Variants in IGF2BP2 observed in about 807,000 individuals in gnomAD.
IGF2BP2 encodes the protein insulin like growth factor 2 mRNA binding protein 2, also known as insulin-like growth factor 2 mRNA-binding protein 2.
In IGF2BP2, 17 loss-of-function variants were observed where a neutral mutation model predicts 75.8. That is an observed-to-expected ratio of 0.22 (90% confidence interval 0.15 to 0.34). The LOEUF is 0.34. Among genes scored for constraint, IGF2BP2 ranks in the 10% least tolerant of loss-of-function variants. IGF2BP2 has a pLI of 1.00. For synonymous variants in IGF2BP2, 288 were observed against 295.6 expected (o/e 0.97, Z 0.26); for missense variants, 516 against 772.4 (o/e 0.67, Z 3.93).
intron 2 of IGF2BP2, among the ~76,000 whole-genome samples, chr3:185,744,182 C>A (rs771572241): frequency 2.0e-5 from 3 of 152,086 alleles, no homozygotes; most frequent in Non-Finnish European, 4.4e-5. Context: ...CCTATACAGT[C>A]TTATTTTATT....
intron 2 of IGF2BP2, among the ~76,000 whole-genome samples, chr3:185,731,713 G>A: frequency 6.6e-6 from 1 of 152,034 alleles, no homozygotes; most frequent in Non-Finnish European, 1.5e-5. Context: ...AGTGGCTCAT[G>A]CCTGTAATCC....
chr3:185,743,888 C>T (rs567695771), intron 2 of IGF2BP2, among the ~76,000 whole-genome samples: 23 of 152,292 alleles, frequency 1.5e-4, no homozygotes, highest in African/African-American at 4.6e-4. Flanking sequence ...AAAGGTAATC[C>T]GCACAAAATG....
chr3:185,749,050 G>C (rs776137708), intron 2 of IGF2BP2, among the ~76,000 whole-genome samples: 29 of 152,118 alleles, frequency 1.9e-4, no homozygotes, highest in Non-Finnish European at 3.8e-4. Flanking sequence ...TGTAATCCCA[G>C]CTACTTGGGA....
At chr3:185,669,260 G>A (rs942279194) in intron 10 of IGF2BP2, among the ~76,000 whole-genome samples, 1 of 152,006 alleles carries the variant, frequency 6.6e-6, no homozygotes, top group African/African-American at 2.4e-5. Context: ...AAATTATTCT[G>A]AGGAAATAAT....
rs548860508 is a variant in IGF2BP2 at position 185,695,065 on chromosome 3, C to T, written c.340+1547G>A. Reference sequence around the variant, plus strand: ...TCATGCTCCTGCACTCCAGCCTGGGCGACAGAGTGAGACTCCGCCTCAAAA... The same window carrying T: ...TCATGCTCCTGCACTCCAGCCTGGGTGACAGAGTGAGACTCCGCCTCAAAA... On this transcript the variant is annotated intron_variant, in intron 4 of 15. Transcript: ENST00000382199. Among the ~76,000 whole-genome samples the T allele has an allele frequency of 4.6e-5, 7 of 151,830 alleles. No individual in the cohort carries two copies. The East Asian group carries it at 7.8e-4, about 17-fold the overall frequency.
intron 13 of IGF2BP2, among the ~76,000 whole-genome samples, chr3:185,651,288 T>C (rs1213718484): frequency 6.6e-6 from 1 of 152,266 alleles, no homozygotes; most frequent in Non-Finnish European, 1.5e-5. Flanking sequence ...CAGTACTTCA[T>C]TCCTTTCTGT....
chr3:185,742,944 CA>C (rs2088339747), intron 2 of IGF2BP2, among the ~76,000 whole-genome samples: 1 of 151,794 alleles, frequency 6.6e-6, no homozygotes, highest in Admixed American at 6.5e-5. Context: ...ACTAAAAATG[CA>C]AAAATTAGCT....
At position 185,807,820 on chromosome 3, in the gene IGF2BP2, G is replaced by A. The variant is rs115217129; in HGVS notation, c.239+15333C>T. Among the ~76,000 whole-genome samples, 612 of 152,308 alleles carry A rather than the reference G, an allele frequency of 4.0e-3. 3 individuals are homozygous for A. Among genetic ancestry groups the A allele is most frequent in the African/African-American group, 0.014 (588 of 41,568 alleles). ...TAAGGCCTCCAGCCAACAACCACAT[G>A]AGTAAGCTTAGTAGCCAACCTTCCA... On this transcript the variant is annotated intron_variant, in intron 2 of 15. Coordinates refer to ENST00000382199, the MANE Select transcript of IGF2BP2 (RefSeq NM_006548.6).
chr3:185,676,416 G>A (rs1333434474), intron 7 of IGF2BP2, among the ~76,000 whole-genome samples: 1 of 152,096 alleles, frequency 6.6e-6, no homozygotes, highest in Non-Finnish European at 1.5e-5. Context: ...CGTGGTTCAC[G>A]CCTGTAATTT....
intron 1 of IGF2BP2, among the ~76,000 whole-genome samples, chr3:185,823,861 G>C (rs1578428005): frequency 6.6e-6 from 1 of 151,684 alleles, no homozygotes; most frequent in African/African-American, 2.4e-5. Flanking sequence ...GAGTGCGCGC[G>C]CGCGAGTGTG....
rs768307048 is a variant in IGF2BP2 at position 185,821,005 on chromosome 3, AC to A, written c.239+2147del. On this transcript the variant is annotated intron_variant, in intron 2 of 15. Coordinates refer to ENST00000382199, the MANE Select transcript of IGF2BP2 (RefSeq NM_006548.6). ...CATAAAAGCTTTGGTTTCAAATGTCACAGTACCCTGGATTTAGAAAGCCATC... is the reference window on the plus strand; with the variant it reads ...CATAAAAGCTTTGGTTTCAAATGTCAAGTACCCTGGATTTAGAAAGCCATC... 2.0e-6 allele frequency: 3 copies of A among 1,535,532 alleles called. No individual in the cohort carries two copies. In the South Asian group the frequency reaches 3.6e-5, roughly 18 times the overall value.
intron 10 of IGF2BP2, among the ~76,000 whole-genome samples, chr3:185,665,533 AAGGAGGAGGAGG>A (rs1171396059): frequency 9.6e-6 from 1 of 103,892 alleles, no homozygotes; most frequent in Non-Finnish European, 2.0e-5. Flanking sequence ...GGAGGAGGAG[AAGGAGGAGGAGG>A]AGAAGGAGGA....
In IGF2BP2 at chr3:185,658,341, A is replaced by T. The variant is rs892316031; in HGVS notation, c.1269T>A (p.Ser423=). The T allele has an allele frequency of 1.2e-6, 2 of 1,613,644 alleles. No homozygotes were observed. Among genetic ancestry groups the T allele is most frequent in the Non-Finnish European group, 1.7e-6 (2 of 1,179,764 alleles). Residue 423 remains serine (S), a splice_region_variant and synonymous_variant, in exon 11 of 16, where the codon TCT becomes TCA. Coordinates refer to ENST00000382199, the MANE Select transcript of IGF2BP2 (RefSeq NM_006548.6). ...GCGGCTGAACTGAGGGGGCACTTAC[A>T]GAGTGATGATGCGGGAACGGGCCAA... is the stretch of plus-strand genomic sequence containing the variant. ...HQFGPFPHHH[S]YPEQEIVNLF...
intron 2 of IGF2BP2, among the ~76,000 whole-genome samples, chr3:185,738,228 G>T (rs1229188463): frequency 6.6e-6 from 1 of 152,166 alleles, no homozygotes; most frequent in Admixed American, 6.5e-5. Flanking sequence ...TACTTCAAAA[G>T]ACATTAACTG....
At chr3:185,727,296 A>G (rs1727479453) in intron 2 of IGF2BP2, among the ~76,000 whole-genome samples, 1 of 152,070 alleles carries the variant, frequency 6.6e-6, no homozygotes, top group Non-Finnish European at 1.5e-5. Flanking sequence ...AGCAAGGGAG[A>G]CGCAGAGCCC....
At chr3:185,784,528 C>T (rs925761568) in intron 2 of IGF2BP2, among the ~76,000 whole-genome samples, 4 of 152,232 alleles carry the variant, frequency 2.6e-5, no homozygotes, top group African/African-American at 7.2e-5. Flanking sequence ...CACACACTAC[C>T]CTCTGAGCAG....
chr3:185,811,258 C>A (rs934261302), intron 2 of IGF2BP2, among the ~76,000 whole-genome samples: 1 of 152,118 alleles, frequency 6.6e-6, no homozygotes, highest in African/African-American at 2.4e-5. Context: ...AGTTTCCAAA[C>A]AGCTATCATC....
chr3:185,769,139 T>A (rs1578241821), intron 2 of IGF2BP2, among the ~76,000 whole-genome samples: 1 of 152,052 alleles, frequency 6.6e-6, no homozygotes, highest in South Asian at 2.1e-4. Context: ...GGCCAGGCAT[T>A]TGAGATCAGC....
At chr3:185,651,942 C>T in intron 13 of IGF2BP2, 152 bp downstream of exon 13, 1 of 535,024 alleles carries the variant, frequency 1.9e-6, no homozygotes, top group Non-Finnish European at 3.3e-6. Flanking sequence ...TGCAGAAGAA[C>T]AGCCAGGGAT....
Sources: gnomAD v4.1 joint callset for allele counts (sites outside exome capture counted in the v4.1 genomes callset) on GRCh38, gnomAD v4.1.1 for gene constraint, MANE v1.5 for transcripts, NCBI Gene and HGNC (gene_info 2026-07-23, HGNC 2026-07-21) for gene names.